Variants in CSMD2 observed in about 807,000 individuals in gnomAD.
CSMD2 encodes CUB and Sushi multiple domains 2, also known as CUB and sushi domain-containing protein 2.
In CSMD2, 130 loss-of-function variants were observed where a neutral mutation model predicts 398.5. That is an observed-to-expected ratio of 0.33 (90% confidence interval 0.28 to 0.38). The LOEUF (loss-of-function observed/expected upper bound fraction) is 0.38, where lower values mean the gene tolerates loss of function less well. Ranked by LOEUF, CSMD2 falls within the 10% of genes least tolerant of loss-of-function variation. CSMD2 has a pLI of 1.00. For missense variants in CSMD2, 3,829 were observed against 4,764.9 expected, an observed-to-expected ratio of 0.80 and a Z score of 5.78; for synonymous variants, 1,828 against 1,908.5, an observed-to-expected ratio of 0.96 and a Z score of 1.10.
At position 34,150,740 on chromosome 1, in the gene CSMD2, C is replaced by T. The variant is rs550466807; in HGVS notation, c.187+14171G>A. 2.0e-5 allele frequency among the ~76,000 whole-genome samples: 3 copies of T among 152,014 alleles called. No individual in the cohort carries two copies. In the South Asian group the frequency reaches 6.2e-4, roughly 32 times the overall value. On this transcript the variant is annotated intron_variant, in intron 1 of 70. Transcript: ENST00000373381. ...CTAGCCCGGGCAACATAGCAAGACC[C>T]CCATTTCTACAAAAAAGTTTAGAAA...
At chr1:34,089,709 T>TAGA (rs1364966606) in intron 1 of CSMD2, among the ~76,000 whole-genome samples, 1 of 152,114 alleles carries the variant, frequency 6.6e-6, no homozygotes, top group Non-Finnish European at 1.5e-5. Context: ...AGCTACCTCT[T>TAGA]CCTCCATCTA....
chr1:34,088,898 A>C (rs1658226140), intron 2 of CSMD2, 79 bp downstream of exon 2: 1 of 1,202,542 alleles, frequency 8.3e-7, no homozygotes, highest in Admixed American at 1.8e-5. Flanking sequence ...TAAACTTTTC[A>C]CTCGAGAAAG....
chr1:33,539,917 T>G (rs1353323643), intron 60 of CSMD2, among the ~76,000 whole-genome samples: 2 of 152,184 alleles, frequency 1.3e-5, no homozygotes, highest in African/African-American at 4.8e-5. Context: ...GATAGTTTTC[T>G]GCAGAATTAG....
intron 2 of CSMD2, among the ~76,000 whole-genome samples, chr1:34,080,343 C>A (rs9425900): frequency 1.3e-5 from 2 of 151,692 alleles, no homozygotes; most frequent in African/African-American, 4.8e-5. Context: ...ATTGCCTATC[C>A]GCAAATATCA....
chr1:33,893,012 T>G (rs912304153), intron 5 of CSMD2, among the ~76,000 whole-genome samples: 6 of 152,176 alleles, frequency 3.9e-5, no homozygotes, highest in African/African-American at 1.4e-4. Flanking sequence ...CAAAAATGAT[T>G]AATGGGATTT....
chr1:33,827,057 C>A (rs76021558), intron 6 of CSMD2, among the ~76,000 whole-genome samples: 2,127 of 152,310 alleles, frequency 0.014, 44 homozygotes, highest in African/African-American at 0.048. Context: ...CCAAAGGCAA[C>A]CACTTCTCAC....
At chr1:34,048,107 G>A (rs767129352) in intron 2 of CSMD2, among the ~76,000 whole-genome samples, 45 of 152,064 alleles carry the variant, frequency 3.0e-4, no homozygotes, top group Non-Finnish European at 5.7e-4. Context: ...GATGGAAATG[G>A]GGAAGGAAGC....
intron 3 of CSMD2, among the ~76,000 whole-genome samples, chr1:33,959,996 A>G (rs1332940941): frequency 1.3e-5 from 2 of 152,326 alleles, no homozygotes; most frequent in South Asian, 2.1e-4. Flanking sequence ...TTGTCTGGCA[A>G]CTTGACTTTC....
intron 3 of CSMD2, among the ~76,000 whole-genome samples, chr1:34,021,814 G>A (rs1447250473): frequency 1.3e-5 from 2 of 152,210 alleles, no homozygotes; most frequent in South Asian, 2.1e-4. Context: ...AGGTTGGAAT[G>A]ATAAGTACAC....
chr1:34,091,851 C>T (rs1014255381), intron 1 of CSMD2, among the ~76,000 whole-genome samples: 1 of 152,052 alleles, frequency 6.6e-6, no homozygotes, highest in Non-Finnish European at 1.5e-5. Flanking sequence ...GACAGAGGTG[C>T]CACCATCACC....
At chr1:34,004,054 A>T (rs930256589) in intron 3 of CSMD2, among the ~76,000 whole-genome samples, 2 of 152,162 alleles carry the variant, frequency 1.3e-5, no homozygotes, top group African/African-American at 2.4e-5. Context: ...GTCCGCTGGG[A>T]TTTCTCTTGA....
intron 5 of CSMD2, among the ~76,000 whole-genome samples, chr1:33,886,578 G>A (rs973688956): frequency 6.6e-5 from 10 of 152,166 alleles, no homozygotes; most frequent in African/African-American, 2.4e-4. Flanking sequence ...AGTGCTGCTT[G>A]TTCCTCTGCC....
chr1:33,753,179 T>A (rs1648497538), intron 13 of CSMD2, among the ~76,000 whole-genome samples: 1 of 152,214 alleles, frequency 6.6e-6, no homozygotes, highest in East Asian at 1.9e-4. Context: ...GGGAGCCAAG[T>A]GCTAACATCC....
intron 24 of CSMD2, among the ~76,000 whole-genome samples, chr1:33,695,014 A>G (rs1645372453): frequency 6.6e-6 from 1 of 152,194 alleles, no homozygotes; most frequent in Admixed American, 6.5e-5. Flanking sequence ...GAAGTGACCA[A>G]TCTCCCTGAG....
At chr1:33,863,027 G>C (rs911942639) in intron 5 of CSMD2, 26 of 152,302 alleles carry the variant, frequency 1.7e-4, no homozygotes, top group African/African-American at 6.0e-4. Context: ...TGAAGCACAG[G>C]CTTAGGTCAA....
intron 7 of CSMD2, among the ~76,000 whole-genome samples, chr1:33,824,724 G>A (rs1658584691): frequency 6.6e-6 from 1 of 152,092 alleles, no homozygotes; most frequent in Non-Finnish European, 1.5e-5. Context: ...AAGACAAGCA[G>A]GGAGAGAAGA....
chr1:33,966,315 G>GT (rs980392533), intron 3 of CSMD2, among the ~76,000 whole-genome samples: 1 of 152,150 alleles, frequency 6.6e-6, no homozygotes, highest in African/African-American at 2.4e-5. Context: ...TGCCCTGATG[G>GT]TTGCAAATCC....
At chr1:33,605,742 A>G (rs1231608417) in intron 41 of CSMD2, 1 of 843,458 alleles carries the variant, frequency 1.2e-6, no homozygotes, top group Non-Finnish European at 1.9e-6. Context: ...ATCTATTATT[A>G]GTAATTCCGT....
intron 25 of CSMD2, among the ~76,000 whole-genome samples, chr1:33,690,712 T>C (rs1215833944): frequency 6.6e-6 from 1 of 152,194 alleles, no homozygotes; most frequent in East Asian, 1.9e-4. Flanking sequence ...CTATCATAGA[T>C]CCACTAGGCA....
Sources: allele counts gnomAD v4.1 joint callset (sites outside exome capture counted in the v4.1 genomes callset), GRCh38; gene constraint gnomAD v4.1.1; transcripts MANE v1.5; gene names NCBI Gene and HGNC (gene_info 2026-07-23, HGNC 2026-07-21).